Variants in KIN observed in about 807,000 individuals in gnomAD.
KIN encodes the protein DNA/RNA-binding protein KIN17.
A neutral mutation model predicts 63.0 loss-of-function variants in KIN; 47 were observed. That is an observed-to-expected ratio of 0.75 (90% CI 0.59 to 0.95). The LOEUF is 0.95. KIN is among the 40% of genes least tolerant of loss of function. The probability of loss-of-function intolerance (pLI) is 0.00; values close to 1 mark genes in which losing one functional copy is unlikely to be tolerated. For synonymous variants in KIN, 160 were observed against 157.7 expected, an observed-to-expected ratio of 1.01 and a Z score of -0.11; for missense variants, 408 against 460.9, an observed-to-expected ratio of 0.89 and a Z score of 1.05.
chr10:7,780,480 C>T (rs1218827918), intron 2 of KIN, among the ~76,000 whole-genome samples, 173 bp from the exon 3 acceptor site: 1 of 152,144 alleles, frequency 6.6e-6, no homozygotes, highest in Admixed American at 6.6e-5. Context: ...TTGCAACCTC[C>T]ACTTCCCAGG....
At chr10:7,779,201 A>G in intron 4 of KIN, among the ~76,000 whole-genome samples, 182 bp from the exon 5 acceptor site, 1 of 152,180 alleles carries the variant, frequency 6.6e-6, no homozygotes, top group East Asian at 1.9e-4. Context: ...TGAGGTCAGG[A>G]GCTCAAGACC....
At chr10:7,772,896 TAAGAA>T (rs1411269787) in intron 7 of KIN, among the ~76,000 whole-genome samples, 3 of 152,234 alleles carry the variant, frequency 2.0e-5, no homozygotes, top group African/African-American at 7.2e-5. Context: ...TTACATTATC[TAAGAA>T]AAGAGTCTTT....
chr10:7,781,386 G>A (rs914583201), intron 2 of KIN, among the ~76,000 whole-genome samples: 3 of 152,150 alleles, frequency 2.0e-5, no homozygotes, highest in African/African-American at 7.2e-5. Context: ...ATAAGGTTTG[G>A]CTAATTTTTG....
chr10:7,775,615 A>G (rs1001473377), intron 6 of KIN, 136 bp downstream of exon 6: 5 of 479,692 alleles, frequency 1.0e-5, no homozygotes, highest in African/African-American at 2.0e-5. Flanking sequence ...TTACCTTTTC[A>G]TTAAATTAAT....
intron 7 of KIN, among the ~76,000 whole-genome samples, chr10:7,771,789 G>A (rs555186213): frequency 6.6e-6 from 1 of 152,008 alleles, no homozygotes; most frequent in East Asian, 1.9e-4. Flanking sequence ...CAGCTACTTG[G>A]GAGGCCGAGG....
At position 7,751,903 on chromosome 10, in the gene KIN, C is replaced by CG. The variant is rs1224105005; in HGVS notation, c.*4176dup. On this transcript the variant is annotated 3_prime_UTR_variant, in exon 13 of 13. Transcript: ENST00000379562. ...ACAAAAAATTAGCCGGGCGCGGTGG[C>CG]GGGCGCCTGTAGTCCCAGCTACTCG... 2 of 29,408 alleles carry CG rather than the reference C, an allele frequency of 6.8e-5. 1 individual carries two copies. Among genetic ancestry groups the CG allele is most frequent in the Non-Finnish European group, 1.3e-4 (2 of 15,108 alleles). The allele number at this position is 29,408 out of a possible 1,614,324, so 1.8% of individuals were successfully genotyped here.
In KIN at chr10:7,774,858, G is replaced by T. The variant is rs777405277; in HGVS notation, c.641C>A (p.Ser214Ter). 1.2e-6 allele frequency: 2 copies of T among 1,613,254 alleles called. No individual in the cohort carries two copies. The change falls in exon 7 of 13, where the codon TCA (serine) becomes TAA (stop). Residue 214 changes from serine to a stop codon, truncating the protein, a stop_gained. Coordinates refer to ENST00000379562, the MANE Select transcript of KIN (RefSeq NM_012311.4). LOFTEE classifies it high-confidence loss of function. ...TFNLSKGACS[S>*]SGATSSKSST... ...TGACTTGGAAGATGTTGCTCCGGAT[G>T]AGCTACATGCTCCTTTACTCAAATT...
Position 7,766,231 on chromosome 10 carries a change from A to G in KIN, c.799-128T>C, listed in dbSNP as rs539576572. 8.4e-5 allele frequency: 46 copies of G among 547,230 alleles called. No individual in the cohort carries two copies. In the African/African-American group the frequency reaches 8.6e-4, roughly 10 times the overall value. The allele number at this position is 547,230 out of a possible 1,614,324, so 33.9% of individuals were successfully genotyped here. ...CTACTTCACAGAAGACCAATGACATAATTTGCGAGCTCTGATAAATACAAA... is the reference window on the plus strand; with the variant it reads ...CTACTTCACAGAAGACCAATGACATGATTTGCGAGCTCTGATAAATACAAA... On this transcript the variant is annotated intron_variant, in intron 8 of 12. Transcript: ENST00000379562.
At chr10:7,763,504 T>A (rs1161806838) in intron 10 of KIN, among the ~76,000 whole-genome samples, 1 of 152,184 alleles carries the variant, frequency 6.6e-6, no homozygotes, top group African/African-American at 2.4e-5. Context: ...ATACTATCTG[T>A]CCTAGTAAGA....
chr10:7,770,834 C>T (rs768599774), intron 7 of KIN, among the ~76,000 whole-genome samples: 1 of 152,140 alleles, frequency 6.6e-6, no homozygotes, highest in Non-Finnish European at 1.5e-5. Context: ...TTAAAAAGTG[C>T]ATTTAAAGGT....
Position 7,787,949 on chromosome 10 carries a change from G to T in KIN, c.-16C>A, listed in dbSNP as rs1233221395. 1 of 1,585,604 alleles carries T rather than the reference G, an allele frequency of 6.3e-7. No individual in the cohort carries two copies. The highest frequency in any genetic ancestry group is 8.7e-7 in the Non-Finnish European group (1 of 1,154,014). ...ACTTCCCCATGGCGACCACGGCAGC[G>T]ATCACTTTCTGGACCCCAGTACTCA... On this transcript the variant is annotated 5_prime_UTR_variant, in exon 1 of 13. Coordinates refer to ENST00000379562, the MANE Select transcript of KIN (RefSeq NM_012311.4).
rs1375820084 is a variant in KIN at position 7,754,346 on chromosome 10, C to CA, written c.*1733dup. The CA allele has an allele frequency of 1.8e-3, 447 of 250,380 alleles. No individual in the cohort carries two copies. The highest frequency in any genetic ancestry group is 3.0e-3 in the South Asian group (76 of 25,288). 15.5% of individuals were successfully genotyped at this position (250,380 alleles called of 1,614,324 possible). The stretch of plus-strand genomic sequence containing the variant: ...CAAGACCCTATCTCAAAAAACAGAA[C>CA]AAAAAAAAAGAGGCGTAGTGGCTCA... On this transcript the variant is annotated 3_prime_UTR_variant, in exon 13 of 13. Transcript: ENST00000379562.
intron 11 of KIN, among the ~76,000 whole-genome samples, chr10:7,760,421 A>C (rs1020319017): frequency 6.6e-6 from 1 of 152,206 alleles, no homozygotes; most frequent in African/African-American, 2.4e-5. Context: ...AAGAAAAAAG[A>C]AACCAGATAT....
In KIN at chr10:7,760,730, A is replaced by C. The variant is rs1459044037; in HGVS notation, c.1019-740T>G. The stretch of plus-strand genomic sequence containing the variant: ...CTCAATCTTTTACTGTGCCTAATTC[A>C]TAAGTTAAACTTTATTATAGATATG... On this transcript the variant is annotated intron_variant, in intron 11 of 12. Transcript: ENST00000379562. 2.0e-5 allele frequency among the ~76,000 whole-genome samples: 3 copies of C among 152,212 alleles called. No homozygotes were observed. In the South Asian group the frequency reaches 6.2e-4, roughly 31 times the overall value.
chr10:7,771,143 C>T (rs558047384), intron 7 of KIN, among the ~76,000 whole-genome samples: 6 of 56,726 alleles, frequency 1.1e-4, no homozygotes, highest in East Asian at 3.4e-4. Flanking sequence ...GCCAAATCCA[C>T]GTAAGATAAG....
Position 7,762,554 on chromosome 10 carries a change from T to A in KIN, c.921A>T (p.Glu307Asp). ...KYHKKKAIVK[E>D]VIDKYTAVVK... ...CAACAGCTGTATATTTGTCAATTAC[T>A]TCCTGTCATGTAAAATGAACACTTT... The change falls in exon 11 of 13, where the codon GAA becomes GAT. Residue 307 changes from glutamate (E) to aspartate (D), a missense_variant and splice_region_variant. Physicochemically the swap from Glu to Asp is conservative, Grantham distance 45. This residue lies in a region of KIN where 298 missense variants were observed against 296.0 expected (regional missense o/e 1.01). Transcript: ENST00000379562. 1 of 1,585,932 alleles carries A rather than the reference T, an allele frequency of 6.3e-7. No individual in the cohort carries two copies. Among genetic ancestry groups the A allele is most frequent in the Non-Finnish European group, 8.6e-7 (1 of 1,157,208 alleles).
At chr10:7,771,052 T>C (rs1047946741) in intron 7 of KIN, among the ~76,000 whole-genome samples, 1 of 152,188 alleles carries the variant, frequency 6.6e-6, no homozygotes, top group African/African-American at 2.4e-5. Context: ...CCACTGAACA[T>C]ATATTTAAAC....
intron 5 of KIN, among the ~76,000 whole-genome samples, chr10:7,778,512 G>A (rs886302353): frequency 2.6e-5 from 4 of 152,266 alleles, no homozygotes; most frequent in South Asian, 2.1e-4. Flanking sequence ...AGGCCGAGGC[G>A]GCCGGATCAC....
intron 2 of KIN, among the ~76,000 whole-genome samples, chr10:7,781,614 A>ACACACACACACACACACACACACAC (rs1835897578): frequency 2.0e-5 from 3 of 151,436 alleles, no homozygotes; most frequent in African/African-American, 7.3e-5. Flanking sequence ...ACACACACAG[A>ACACACACACACACACACACACACAC]ATCAAAAAAT....
Sources: gnomAD v4.1 joint callset for allele counts (sites outside exome capture counted in the v4.1 genomes callset) on GRCh38, gnomAD v4.1.1 for gene constraint, gnomAD v4.1.1 regional missense constraint, MANE v1.5 for transcripts, NCBI Gene and HGNC (gene_info 2026-07-23, HGNC 2026-07-21) for gene names.